Variants in BRIP1 observed in about 807,000 individuals in gnomAD.
BRIP1 encodes the protein BRCA1 interacting DNA helicase 1.
In BRIP1, 88 loss-of-function variants were observed where a neutral mutation model predicts 119.7. The observed-to-expected ratio is 0.74, with a 90% confidence interval of 0.62 to 0.88. The LOEUF (loss-of-function observed/expected upper bound fraction) is 0.88. Ranked by LOEUF, BRIP1 falls within the 40% of genes least tolerant of loss-of-function variation. BRIP1 has a pLI of 0.00. For synonymous variants in BRIP1, 443 were observed against 496.5 expected (o/e 0.89, Z 1.43); for missense variants, 1,259 against 1,455.4 (o/e 0.87, Z 2.20).
In BRIP1 at chr17:61,844,716, T is replaced by C. The variant is rs561714151; in HGVS notation, c.627+2385A>G. Among the ~76,000 whole-genome samples the C allele has an allele frequency of 1.2e-4, 19 of 152,362 alleles. 1 individual carries two copies. Among genetic ancestry groups the C allele is most frequent in the Admixed American group, 3.3e-4 (5 of 15,308 alleles). Reference sequence around the variant, plus strand: ...TCCTTATCTTGGTGTTAGAACCCTATTTAGGTGGCTCCAGGACTGCAAAGA... The same window carrying C: ...TCCTTATCTTGGTGTTAGAACCCTACTTAGGTGGCTCCAGGACTGCAAAGA... On this transcript the variant is annotated intron_variant, in intron 6 of 19. Transcript: ENST00000259008. This position sits in a 1 kb window ranked among gnomAD's most constrained non-coding sequence, Gnocchi z 4.7.
At position 61,857,264 on chromosome 17, in the gene BRIP1, T is replaced by C. The variant is rs1603366470; in HGVS notation, c.206-33A>G. The C allele has an allele frequency of 1.3e-6, 2 of 1,537,444 alleles. No homozygotes were observed. Among genetic ancestry groups the C allele is most frequent in the Admixed American group, 3.5e-5 (2 of 57,508 alleles). ...TGAAAGAACATCTATTTATAATATA[T>C]CTAATTAAATAAACATCAATCATTC... On this transcript the variant is annotated intron_variant, in intron 3 of 19. Coordinates refer to ENST00000259008, the MANE Select transcript of BRIP1 (RefSeq NM_032043.3). The surrounding 1 kb of genome is among the most constrained non-coding windows in gnomAD (Gnocchi z 5.1).
Position 61,816,130 on chromosome 17 carries a change from CT to C in BRIP1, c.628-7374del, listed in dbSNP as rs1272017804. ...AACCTGATTCAATATTTATCACAGG[CT>C]TTCATAGATCACTGCTAACCAAGCA... is the stretch of plus-strand genomic sequence containing the variant. On this transcript the variant is annotated intron_variant, in intron 6 of 19. Coordinates refer to ENST00000259008, the MANE Select transcript of BRIP1 (RefSeq NM_032043.3). The surrounding 1 kb of genome is among the most constrained non-coding windows in gnomAD (Gnocchi z 5.0). Among the ~76,000 whole-genome samples the C allele has an allele frequency of 1.3e-5, 2 of 152,204 alleles. No individual in the cohort carries two copies. The highest frequency in any genetic ancestry group is 2.9e-5 in the Non-Finnish European group (2 of 68,036).
Position 61,795,485 on chromosome 17 carries a change from A to G in BRIP1, c.1341-1756T>C, listed in dbSNP as rs1030732989. The stretch of plus-strand genomic sequence containing the variant: ...TTGTTTTCATTTTTAGATCCCACAA[A>G]TAAGTGAGAATATGTGATATTTGTC... On this transcript the variant is annotated intron_variant, in intron 9 of 19. Coordinates refer to ENST00000259008, the MANE Select transcript of BRIP1 (RefSeq NM_032043.3). This position sits in a 1 kb window ranked among gnomAD's most constrained non-coding sequence, Gnocchi z 5.6. 2.0e-5 allele frequency among the ~76,000 whole-genome samples: 3 copies of G among 152,080 alleles called. No individual in the cohort carries two copies. The highest frequency in any genetic ancestry group is 7.2e-5 in the African/African-American group (3 of 41,418).
At chr17:61,811,375 C>G (rs1429685142) in intron 6 of BRIP1, among the ~76,000 whole-genome samples, 4 of 151,818 alleles carry the variant, frequency 2.6e-5, no homozygotes, top group Admixed American at 2.6e-4. Context: ...AGGCGTCCAC[C>G]ACCACGCCTG....
rs1425170841 is a variant in BRIP1 at position 61,857,134 on chromosome 17, G to A, written c.303C>T (p.Asn101=). 3 of 1,613,860 alleles carry A rather than the reference G, an allele frequency of 1.9e-6. No individual in the cohort carries two copies. Among genetic ancestry groups the A allele is most frequent in the Non-Finnish European group, 2.5e-6 (3 of 1,179,922 alleles). The change falls in exon 4 of 20, where the codon AAC becomes AAT. Residue 101 remains asparagine, a synonymous_variant. Coordinates refer to ENST00000259008, the MANE Select transcript of BRIP1 (RefSeq NM_032043.3). This position sits in a 1 kb window ranked among gnomAD's most constrained non-coding sequence, Gnocchi z 5.1. The part of the protein sequence containing the change: ...HSKDFTNNDM[N]QGTSRHFNYP... ...AGTTGAAATGACGTGAAGTTCCTTG[G>A]TTCATGTCATTGTTTGTAAAATCCT...
In BRIP1 at chr17:61,799,301, T is replaced by C. The variant is rs769583916; in HGVS notation, c.1141-2A>G. The C allele has an allele frequency of 6.2e-7, 1 of 1,607,188 alleles. No individual in the cohort carries two copies. The highest frequency in any genetic ancestry group is 1.7e-5 in the Admixed American group (1 of 59,732). ...CTGTTCTTTCAGATTTAAATCCATC[T>C]ATAAGATAAAAGAATTTTCTTGTAA... On this transcript the variant is annotated splice_acceptor_variant, in intron 8 of 19. Transcript: ENST00000259008. LOFTEE classifies it high-confidence loss of function. This position sits in a 1 kb window ranked among gnomAD's most constrained non-coding sequence, Gnocchi z 5.1.
At chr17:61,749,487 A>T (rs1382011206) in intron 14 of BRIP1, among the ~76,000 whole-genome samples, 1 of 152,214 alleles carries the variant, frequency 6.6e-6, no homozygotes, top group Non-Finnish European at 1.5e-5. Context: ...GTTAACAGGT[A>T]TATGGAAAGA....
chr17:61,752,013 C>A lies in BRIP1; in HGVS notation c.2098-7422G>T, dbSNP rs1047955779. On this transcript the variant is annotated intron_variant, in intron 14 of 19. Coordinates refer to ENST00000259008, the MANE Select transcript of BRIP1 (RefSeq NM_032043.3). This position sits in a 1 kb window ranked among gnomAD's most constrained non-coding sequence, Gnocchi z 6.2. ...CGAACTCCTGACCTCAGGTGATCCACCCCTCAGCCTCCCAAAGTGCCGGGA... is the reference window on the plus strand; with the variant it reads ...CGAACTCCTGACCTCAGGTGATCCAACCCTCAGCCTCCCAAAGTGCCGGGA... 2.0e-5 allele frequency among the ~76,000 whole-genome samples: 3 copies of A among 151,794 alleles called. No individual in the cohort carries two copies. The highest frequency in any genetic ancestry group is 1.3e-4 in the Admixed American group (2 of 15,254).
Position 61,789,036 on chromosome 17 carries a change from A to G in BRIP1, c.1473+4561T>C, listed in dbSNP as rs2077775839. 6.6e-6 allele frequency among the ~76,000 whole-genome samples: 1 copy of G among 152,078 alleles called. No homozygotes were observed. Among genetic ancestry groups the G allele is most frequent in the South Asian group, 2.1e-4 (1 of 4,824 alleles). ...CCTGAACCTGGGAGGCGGAGGTTGC[A>G]GTGGGCTGAGATCACACCACTGCAC... On this transcript the variant is annotated intron_variant, in intron 10 of 19. Transcript: ENST00000259008. The surrounding 1 kb of genome is among the most constrained non-coding windows in gnomAD (Gnocchi z 4.8).
rs1472012709 is a variant in BRIP1, at chr17:61,769,804, A to G, written c.2097+6597T>C. ...TATGCTTACTGGGACAGCGGCCACTAAAACATAAATTGACAGAAATAGTTA... is the reference window on the plus strand; with the variant it reads ...TATGCTTACTGGGACAGCGGCCACTGAAACATAAATTGACAGAAATAGTTA... On this transcript the variant is annotated intron_variant, in intron 14 of 19. Coordinates refer to ENST00000259008, the MANE Select transcript of BRIP1 (RefSeq NM_032043.3). This position sits in a 1 kb window ranked among gnomAD's most constrained non-coding sequence, Gnocchi z 4.9. 6.6e-6 allele frequency among the ~76,000 whole-genome samples: 1 copy of G among 152,224 alleles called. No homozygotes were observed. The highest frequency in any genetic ancestry group is 2.4e-5 in the African/African-American group (1 of 41,464).
Position 61,815,033 on chromosome 17 carries a change from G to A in BRIP1, c.628-6276C>T, listed in dbSNP as rs1326421004. ...AAATATAAAACTTCAGGTAGAGAGT[G>A]AGGAATCAAGACTATGGAAGATAAT... On this transcript the variant is annotated intron_variant, in intron 6 of 19. Transcript: ENST00000259008. This position sits in a 1 kb window ranked among gnomAD's most constrained non-coding sequence, Gnocchi z 4.1. Among the ~76,000 whole-genome samples, 1 of 151,108 alleles carries A rather than the reference G, an allele frequency of 6.6e-6. No individual in the cohort carries two copies. Among genetic ancestry groups the A allele is most frequent in the Non-Finnish European group, 1.5e-5 (1 of 67,786 alleles).
chr17:61,695,548 T>C lies in BRIP1; in HGVS notation c.2493-2036A>G, dbSNP rs2061507791. Among the ~76,000 whole-genome samples, 1 of 152,128 alleles carries C rather than the reference T, an allele frequency of 6.6e-6. No homozygotes were observed. Among genetic ancestry groups the C allele is most frequent in the African/African-American group, 2.4e-5 (1 of 41,458 alleles). ...AAGTCAGCTGGGATTTTGATTAGTA[T>C]TGTATTTAACCTCTATATCAATATA... On this transcript the variant is annotated intron_variant, in intron 17 of 19. Transcript: ENST00000259008. The surrounding 1 kb of genome is among the most constrained non-coding windows in gnomAD (Gnocchi z 4.3).
At chr17:61,811,761 G>C (rs2145449241) in intron 6 of BRIP1, among the ~76,000 whole-genome samples, 1 of 151,654 alleles carries the variant, frequency 6.6e-6, no homozygotes, top group Middle Eastern at 3.4e-3. Flanking sequence ...AGACTAGCCT[G>C]GCCAACATGG....
At chr17:61,696,627 G>A (rs565508269) in intron 17 of BRIP1, among the ~76,000 whole-genome samples, 58 of 150,528 alleles carry the variant, frequency 3.9e-4, no homozygotes, top group Non-Finnish European at 7.1e-4. Flanking sequence ...AGAGGTTGCA[G>A]TGAGCTGAGA....
rs1396010256 is a variant in BRIP1 at position 61,745,098 on chromosome 17, G to C, written c.2098-507C>G. ...TTAAGATCATTTTACTAAGTGTATA[G>C]GCAGATAAGCTCATTATTTGAATAT... is the stretch of plus-strand genomic sequence containing the variant. On this transcript the variant is annotated intron_variant, in intron 14 of 19. Transcript: ENST00000259008. This position sits in a 1 kb window ranked among gnomAD's most constrained non-coding sequence, Gnocchi z 4.4. 6.6e-6 allele frequency among the ~76,000 whole-genome samples: 1 copy of C among 152,054 alleles called. No individual in the cohort carries two copies. Among genetic ancestry groups the C allele is most frequent in the African/African-American group, 2.4e-5 (1 of 41,402 alleles).
At chr17:61,786,122 T>G (rs779973750) in intron 10 of BRIP1, among the ~76,000 whole-genome samples, 3 of 151,002 alleles carry the variant, frequency 2.0e-5, no homozygotes, top group Non-Finnish European at 2.9e-5. Context: ...ACTGGCAGAA[T>G]AGAGAGTGAA....
intron 6 of BRIP1, among the ~76,000 whole-genome samples, chr17:61,819,639 T>C (rs550093141): frequency 4.6e-5 from 7 of 152,176 alleles, no homozygotes; most frequent in South Asian, 2.1e-4. Flanking sequence ...AAAGACAAAC[T>C]TTGCATGTTC....
At chr17:61,801,157 A>T in intron 8 of BRIP1, 96 bp downstream of exon 8, 2 of 1,077,152 alleles carry the variant, frequency 1.9e-6, no homozygotes, top group African/African-American at 3.2e-5. Flanking sequence ...TACATAAATT[A>T]AAGCAAAAAA....
At chr17:61,787,119 A>T (rs1196610251) in intron 10 of BRIP1, among the ~76,000 whole-genome samples, 1 of 112,226 alleles carries the variant, frequency 8.9e-6, no homozygotes, top group Non-Finnish European at 1.6e-5. Context: ...ATTAATATAT[A>T]ATATATTATA....
Sources: allele counts gnomAD v4.1 joint callset (sites outside exome capture counted in the v4.1 genomes callset), GRCh38; gene constraint gnomAD v4.1.1; non-coding constraint Gnocchi (gnomAD v3.1); transcripts MANE v1.5; gene names NCBI Gene and HGNC (gene_info 2026-07-23, HGNC 2026-07-21).